QTMAN: variants seen among roughly 807,000 people sequenced by gnomAD.
QTMAN encodes the protein tRNA-queuosine alpha-mannosyltransferase.
the QTMAN span, among the ~76,000 whole-genome samples, chr2:144,122,322 G>A: frequency 6.6e-6 from 1 of 152,120 alleles, no homozygotes; most frequent in Non-Finnish European, 1.5e-5. Flanking sequence ...ATAGTTTAGT[G>A]CTATTTTATA....
the QTMAN span, among the ~76,000 whole-genome samples, chr2:144,081,741 C>T: frequency 6.6e-6 from 1 of 152,138 alleles, no homozygotes; most frequent in Non-Finnish European, 1.5e-5. Context: ...TGTCACACAT[C>T]TCCATACCTT....
the QTMAN span, among the ~76,000 whole-genome samples, chr2:144,154,784 TC>T: frequency 1.3e-5 from 2 of 152,356 alleles, no homozygotes; most frequent in East Asian, 3.9e-4. Flanking sequence ...GCTGTTCTTT[TC>T]TTTAGTATCC....
At chr2:144,047,242 GC>G in the QTMAN span, among the ~76,000 whole-genome samples, 9 of 152,134 alleles carry the variant, frequency 5.9e-5, no homozygotes, top group Admixed American at 5.9e-4. Flanking sequence ...CTGTCCTCCA[GC>G]CTGGGTGACA....
At chr2:144,313,026 T>C in the QTMAN span, among the ~76,000 whole-genome samples, 2 of 152,186 alleles carry the variant, frequency 1.3e-5, no homozygotes, top group Non-Finnish European at 2.9e-5. Context: ...AAGGTGCCAC[T>C]GCAGCACAAG....
chr2:144,259,165 G>C, the QTMAN span, among the ~76,000 whole-genome samples: 1 of 152,000 alleles, frequency 6.6e-6, no homozygotes, highest in African/African-American at 2.4e-5. Flanking sequence ...TTTTTTGTTT[G>C]TATTTTGTTT....
the QTMAN span, among the ~76,000 whole-genome samples, chr2:143,978,705 T>G: frequency 6.6e-6 from 1 of 152,222 alleles, no homozygotes; most frequent in Non-Finnish European, 1.5e-5. Context: ...ATGTAATTAC[T>G]TCCTCTCAGA....
chr2:144,125,280 C>T, the QTMAN span, among the ~76,000 whole-genome samples: 1 of 151,718 alleles, frequency 6.6e-6, no homozygotes, highest in South Asian at 2.1e-4. Flanking sequence ...ACTGAGCATA[C>T]ATTTATGATT....
At chr2:144,283,800 C>T in the QTMAN span, among the ~76,000 whole-genome samples, 6 of 152,094 alleles carry the variant, frequency 3.9e-5, no homozygotes, top group African/African-American at 1.4e-4. Context: ...AAAATGAGAA[C>T]TACCATCCAT....
the QTMAN span, among the ~76,000 whole-genome samples, chr2:144,215,002 G>A: frequency 1.3e-5 from 2 of 152,012 alleles, no homozygotes; most frequent in Non-Finnish European, 2.9e-5. Context: ...TAGCACTTTG[G>A]GAGGCTGAGG....
the QTMAN span, among the ~76,000 whole-genome samples, chr2:144,303,192 T>C: frequency 5.3e-5 from 8 of 152,092 alleles, no homozygotes; most frequent in Admixed American, 2.6e-4. Context: ...GCACTGAAGA[T>C]AGGCTTTCAG....
At chr2:144,189,932 T>C in the QTMAN span, among the ~76,000 whole-genome samples, 1 of 152,220 alleles carries the variant, frequency 6.6e-6, no homozygotes, top group African/African-American at 2.4e-5. Flanking sequence ...ACCTTCTCTT[T>C]TCTTCACTGC....
the QTMAN span, among the ~76,000 whole-genome samples, chr2:144,021,749 T>C: frequency 2.6e-5 from 4 of 152,174 alleles, no homozygotes; most frequent in African/African-American, 9.7e-5. Flanking sequence ...AATCTAATCA[T>C]AGAACACAAT....
the QTMAN span, among the ~76,000 whole-genome samples, chr2:144,312,128 GC>G: frequency 6.6e-6 from 1 of 151,106 alleles, no homozygotes; most frequent in South Asian, 2.1e-4. Flanking sequence ...GTTACAGCAA[GC>G]AAAAAGGTGA....
chr2:143,968,550 C>T, the QTMAN span, among the ~76,000 whole-genome samples: 5 of 152,094 alleles, frequency 3.3e-5, no homozygotes, highest in South Asian at 6.2e-4. Flanking sequence ...AGATGTAATC[C>T]CAGAACTTAG....
At chr2:144,252,231 C>T in the QTMAN span, among the ~76,000 whole-genome samples, 1 of 151,708 alleles carries the variant, frequency 6.6e-6, no homozygotes, top group Non-Finnish European at 1.5e-5. Context: ...AAAGATTAGC[C>T]AAGCACAATG....
At chr2:144,073,081 T>G in the QTMAN span, among the ~76,000 whole-genome samples, 1 of 152,100 alleles carries the variant, frequency 6.6e-6, no homozygotes, top group East Asian at 1.9e-4. Context: ...CAAACAGCAC[T>G]GTATGCATAA....
At chr2:144,123,825 T>G in the QTMAN span, among the ~76,000 whole-genome samples, 1 of 152,060 alleles carries the variant, frequency 6.6e-6, no homozygotes, top group African/African-American at 2.4e-5. Context: ...TGCAAGAAGA[T>G]CTTTTACACC....
the QTMAN span, among the ~76,000 whole-genome samples, chr2:144,040,146 A>C: frequency 6.8e-4 from 104 of 152,302 alleles, no homozygotes; most frequent in Admixed American, 1.8e-3. Flanking sequence ...AATACTTTTA[A>C]ATTATCTTTA....
the QTMAN span, among the ~76,000 whole-genome samples, chr2:144,065,008 A>G: frequency 6.6e-6 from 1 of 152,218 alleles, no homozygotes; most frequent in Admixed American, 6.5e-5. Context: ...GGTGAGGAAG[A>G]TAACAAGAAT....
Sources: allele counts gnomAD v4.1 joint callset (sites outside exome capture counted in the v4.1 genomes callset), GRCh38; gene constraint gnomAD v4.1.1; transcripts MANE v1.5; gene names NCBI Gene and HGNC (gene_info 2026-07-23, HGNC 2026-07-21).